Variants in PCCB observed in about 807,000 individuals in gnomAD.
The protein encoded by PCCB is propionyl-CoA carboxylase beta chain, mitochondrial.
A neutral mutation model predicts 60.7 loss-of-function variants in PCCB; 43 were observed. That is an observed-to-expected ratio of 0.71 (90% CI 0.55 to 0.91). The LOEUF is 0.91. Among genes scored for constraint, PCCB ranks in the 40% least tolerant of loss-of-function variants. The pLI is 0.00. For synonymous variants in PCCB, 276 were observed against 255.9 expected (o/e 1.08, Z -0.75); for missense variants, 766 against 702.8 (o/e 1.09, Z -1.02).
chr3:136,260,061 T>G, intron 3 of PCCB: 1 of 237,800 alleles, frequency 4.2e-6, no homozygotes, highest in South Asian at 4.7e-5. Flanking sequence ...CAACTTTTTT[T>G]GTTTTGTTTT....
At chr3:136,287,933 C>T (rs1933495193) in intron 6 of PCCB, among the ~76,000 whole-genome samples, 1 of 152,188 alleles carries the variant, frequency 6.6e-6, no homozygotes, top group South Asian at 2.1e-4. Context: ...TATATGTCTT[C>T]AGCTTCTCTA....
rs770597925 is a variant in PCCB, at chr3:136,250,371, C to T, written c.-5C>T. 6 of 1,522,368 alleles carry T rather than the reference C, an allele frequency of 3.9e-6. No individual in the cohort carries two copies. The highest frequency in any genetic ancestry group is 5.3e-6 in the Non-Finnish European group (6 of 1,130,976). 94.3% of individuals were successfully genotyped at this position (1,522,368 alleles called of 1,614,324 possible). On this transcript the variant is annotated 5_prime_UTR_variant, in exon 1 of 15. Transcript: ENST00000251654. ...GCCGGTAGGGGACGCGCCGGCACAG[C>T]AAAAATGGCGGCGGCATTACGGGTG...
chr3:136,275,597 G>A (rs1212412828), intron 5 of PCCB, among the ~76,000 whole-genome samples: 1 of 151,888 alleles, frequency 6.6e-6, no homozygotes, highest in Non-Finnish European at 1.5e-5. Flanking sequence ...TGATTTGGCT[G>A]TGGTTTTTTT....
rs945047993 is a variant in PCCB, at chr3:136,325,094, T to C, written c.1091-1709T>C. On this transcript the variant is annotated intron_variant, in intron 10 of 14. Coordinates refer to ENST00000251654, the MANE Select transcript of PCCB (RefSeq NM_000532.5). ...TAGTAGAGACAGGGTTTTGCCATTT[T>C]GGCCAGGCTGGTCTTGAACTCCTGA... Among the ~76,000 whole-genome samples the C allele has an allele frequency of 1.8e-4, 27 of 152,176 alleles. 1 individual carries two copies. The highest frequency in any genetic ancestry group is 1.8e-4 in the Non-Finnish European group (12 of 68,028).
intron 7 of PCCB, among the ~76,000 whole-genome samples, chr3:136,294,690 G>A (rs1466333800): frequency 6.6e-6 from 1 of 152,084 alleles, no homozygotes; most frequent in Non-Finnish European, 1.5e-5. Context: ...GCTCACTGTA[G>A]CCTCAGTCTT....
rs185996015 is a variant in PCCB, at chr3:136,271,296, T to G, written c.543+9231T>G. 2.0e-5 allele frequency among the ~76,000 whole-genome samples: 3 copies of G among 152,308 alleles called. No homozygotes were observed. In the East Asian group the frequency reaches 5.8e-4, roughly 29 times the overall value. ...TCTGGTAATGTGATGCCTTCAGATT[T>G]GTTCTTTTTGCTTAGTATTGCTTTG... On this transcript the variant is annotated intron_variant, in intron 5 of 14. Coordinates refer to ENST00000251654, the MANE Select transcript of PCCB (RefSeq NM_000532.5).
intron 6 of PCCB, among the ~76,000 whole-genome samples, chr3:136,287,011 G>A (rs1322078699): frequency 6.6e-6 from 1 of 150,830 alleles, no homozygotes; most frequent in Non-Finnish European, 1.5e-5. Flanking sequence ...AGCCTGGGTG[G>A]CAGAGCAAGA....
At chr3:136,264,440 G>GTGTGTGTGTGTGTGTA in intron 5 of PCCB, among the ~76,000 whole-genome samples, 1 of 123,782 alleles carries the variant, frequency 8.1e-6, no homozygotes, top group African/African-American at 3.0e-5. Flanking sequence ...ATGTGTGTGT[G>GTGTGTGTGTGTGTGTA]TATATATGTA....
chr3:136,261,851 T>C (rs1169730480), intron 4 of PCCB, 101 bp from the exon 5 acceptor site: 1 of 789,384 alleles, frequency 1.3e-6, no homozygotes, highest in East Asian at 2.7e-5. Flanking sequence ...TTTTGAAAAG[T>C]GCACTCAGAA....
chr3:136,286,385 A>G (rs1933405940), intron 6 of PCCB, among the ~76,000 whole-genome samples: 1 of 152,126 alleles, frequency 6.6e-6, no homozygotes, highest in African/African-American at 2.4e-5. Context: ...CCAGGATTAT[A>G]TTTTTAAGAG....
chr3:136,293,718 G>A, intron 6 of PCCB, 38 bp from the exon 7 acceptor site: 3 of 1,273,622 alleles, frequency 2.4e-6, no homozygotes, highest in Non-Finnish European at 3.4e-6. Flanking sequence ...CAGCTCTGGT[G>A]CTCTGAGGTT....
At chr3:136,320,975 A>G (rs1231087567) in intron 10 of PCCB, among the ~76,000 whole-genome samples, 1 of 152,216 alleles carries the variant, frequency 6.6e-6, no homozygotes, top group Admixed American at 6.5e-5. Flanking sequence ...AATGCCCTTT[A>G]TAATATGGAG....
intron 6 of PCCB, among the ~76,000 whole-genome samples, chr3:136,290,346 T>G (rs1933618008): frequency 6.6e-6 from 1 of 152,218 alleles, no homozygotes. Context: ...AATATTTCAT[T>G]CCACTCTCTT....
At chr3:136,321,359 T>C (rs1935102200) in intron 10 of PCCB, among the ~76,000 whole-genome samples, 1 of 152,152 alleles carries the variant, frequency 6.6e-6, no homozygotes, top group Non-Finnish European at 1.5e-5. Flanking sequence ...TATTAATCTG[T>C]TTTCACACTG....
chr3:136,298,114 A>G (rs1015562020), intron 8 of PCCB, 42 bp downstream of exon 8: 9 of 1,613,344 alleles, frequency 5.6e-6, no homozygotes, highest in African/African-American at 1.3e-5. Context: ...TTTGCAGTGT[A>G]GCTTGCCTTT....
intron 5 of PCCB, among the ~76,000 whole-genome samples, chr3:136,282,340 T>G (rs1382658155): frequency 6.6e-6 from 1 of 152,238 alleles, no homozygotes; most frequent in African/African-American, 2.4e-5. Context: ...TGAATAGTTG[T>G]TTTGATCTCA....
intron 6 of PCCB, among the ~76,000 whole-genome samples, chr3:136,292,226 T>G (rs923673817): frequency 6.7e-6 from 1 of 149,746 alleles, no homozygotes; most frequent in Admixed American, 6.7e-5. Context: ...CCTGAAATTT[T>G]GTGTCTCTAG....
intron 6 of PCCB, among the ~76,000 whole-genome samples, chr3:136,293,349 A>G (rs1055522321): frequency 6.6e-6 from 1 of 152,228 alleles, no homozygotes; most frequent in Non-Finnish European, 1.5e-5. Context: ...GACTGGTTGC[A>G]TACAGTCTCC....
intron 5 of PCCB, among the ~76,000 whole-genome samples, chr3:136,276,770 T>G (rs1283630030): frequency 1.3e-5 from 2 of 152,158 alleles, no homozygotes; most frequent in Admixed American, 6.5e-5. Context: ...GCTGCCTGAT[T>G]GTTGGGGTAG....
Sources: allele counts gnomAD v4.1 joint callset (sites outside exome capture counted in the v4.1 genomes callset), GRCh38; gene constraint gnomAD v4.1.1; transcripts MANE v1.5; gene names NCBI Gene and HGNC (gene_info 2026-07-23, HGNC 2026-07-21).